ADGRB3: variants seen among roughly 807,000 people sequenced by gnomAD.
ADGRB3 encodes adhesion G protein-coupled receptor B3.
In ADGRB3, 37 loss-of-function variants were observed where a neutral mutation model predicts 193.4. The ratio of observed to expected loss-of-function variants is 0.19; its 90% CI spans 0.15 to 0.25. ADGRB3 has a LOEUF of 0.25. Ranked by LOEUF, ADGRB3 falls within the 10% of genes least tolerant of loss-of-function variation. ADGRB3 has a pLI of 1.00. For missense variants in ADGRB3, 1,637 were observed against 1,852.9 expected (o/e 0.88, Z 2.14); for synonymous variants, 690 against 644.2 (o/e 1.07, Z -1.08).
intron 17 of ADGRB3, among the ~76,000 whole-genome samples, chr6:69,096,758 A>T (rs542112487): frequency 3.3e-5 from 5 of 152,146 alleles, no homozygotes; most frequent in African/African-American, 1.2e-4. Context: ...TCTCAGCTTC[A>T]CTGTAGAAGA....
At chr6:68,681,350 C>T (rs1287591742) in intron 3 of ADGRB3, among the ~76,000 whole-genome samples, 1 of 152,130 alleles carries the variant, frequency 6.6e-6, no homozygotes, top group Non-Finnish European at 1.5e-5. Flanking sequence ...GTAGAGACAG[C>T]ATCTCCCTTT....
intron 20 of ADGRB3, among the ~76,000 whole-genome samples, chr6:69,303,856 T>C (rs985416944): frequency 4.6e-5 from 7 of 151,982 alleles, no homozygotes; most frequent in African/African-American, 1.4e-4. Context: ...TAGGATTTCA[T>C]GTGTAGCATA....
chr6:68,712,106 C>A (rs572898619), intron 3 of ADGRB3, among the ~76,000 whole-genome samples: 4 of 151,884 alleles, frequency 2.6e-5, no homozygotes, highest in African/African-American at 9.7e-5. Flanking sequence ...TGACTGAGGG[C>A]AAAATATTAT....
At chr6:69,207,006 A>G (rs935469658) in intron 17 of ADGRB3, among the ~76,000 whole-genome samples, 9 of 152,086 alleles carry the variant, frequency 5.9e-5, no homozygotes, top group Non-Finnish European at 1.3e-4. Flanking sequence ...TTCCATGCAT[A>G]CTCTTCCTGA....
chr6:69,272,984 T>G (rs1480477579), intron 20 of ADGRB3, among the ~76,000 whole-genome samples: 1 of 152,170 alleles, frequency 6.6e-6, no homozygotes, highest in Admixed American at 6.5e-5. Context: ...CACTGCAACC[T>G]CCATTTCCCA....
At chr6:68,857,880 G>T (rs186922701) in intron 3 of ADGRB3, among the ~76,000 whole-genome samples, 1 of 152,168 alleles carries the variant, frequency 6.6e-6, no homozygotes, top group Non-Finnish European at 1.5e-5. Flanking sequence ...AGTGGGAGAT[G>T]ATTGAATTAT....
At chr6:69,259,494 G>C (rs1037903431) in intron 20 of ADGRB3, among the ~76,000 whole-genome samples, 1 of 151,986 alleles carries the variant, frequency 6.6e-6, no homozygotes, top group Non-Finnish European at 1.5e-5. Context: ...AGGAGATCGA[G>C]ACCATCCTGG....
At chr6:68,779,965 A>C (rs138273332) in intron 3 of ADGRB3, among the ~76,000 whole-genome samples, 3 of 152,242 alleles carry the variant, frequency 2.0e-5, no homozygotes, top group Admixed American at 1.3e-4. Context: ...TTTCTTTGAA[A>C]ATAATGACTT....
intron 3 of ADGRB3, among the ~76,000 whole-genome samples, chr6:68,818,946 T>TGA (rs1562043003): frequency 6.6e-6 from 1 of 151,768 alleles, no homozygotes; most frequent in Non-Finnish European, 1.5e-5. Flanking sequence ...TTTCACTGTG[T>TGA]AACATTTGAA....
intron 17 of ADGRB3, among the ~76,000 whole-genome samples, chr6:69,100,856 A>AGGAAGGAAGGAAGGAAGAAGGAAGGGAG (rs1773017921): frequency 3.5e-3 from 84 of 24,196 alleles, no homozygotes; most frequent in Non-Finnish European, 7.6e-3. Flanking sequence ...GAGGGAGGGA[A>AGGAAGGAAGGAAGGAAGAAGGAAGGGAG]GGAAGGAAGG....
intron 10 of ADGRB3, among the ~76,000 whole-genome samples, chr6:68,985,474 G>A (rs1320055156): frequency 6.6e-6 from 1 of 152,134 alleles, no homozygotes; most frequent in Non-Finnish European, 1.5e-5. Context: ...GGTGATATCT[G>A]ATTTTCCTCT....
intron 26 of ADGRB3, among the ~76,000 whole-genome samples, chr6:69,351,065 A>G (rs934076875): frequency 6.6e-6 from 1 of 151,410 alleles, no homozygotes; most frequent in East Asian, 1.9e-4. Flanking sequence ...TAAGACTAAT[A>G]TAGACTAATT....
At chr6:69,169,497 A>G (rs6915681) in intron 17 of ADGRB3, among the ~76,000 whole-genome samples, 1 of 149,810 alleles carries the variant, frequency 6.7e-6, no homozygotes, top group East Asian at 1.9e-4. Flanking sequence ...AAAAGTAATT[A>G]CAAATTATAA....
chr6:68,694,517 T>A (rs538215110), intron 3 of ADGRB3, among the ~76,000 whole-genome samples: 2 of 152,046 alleles, frequency 1.3e-5, no homozygotes, highest in East Asian at 3.9e-4. Flanking sequence ...TAATTCACCT[T>A]GTTTTTTTAG....
intron 17 of ADGRB3, among the ~76,000 whole-genome samples, chr6:69,206,045 G>GTGTGTATATATATA (rs1327162820): frequency 1.0e-5 from 1 of 99,952 alleles, no homozygotes; most frequent in African/African-American, 3.8e-5. Flanking sequence ...TATAATAATG[G>GTGTGTATATATATA]TATATATATA....
intron 3 of ADGRB3, among the ~76,000 whole-genome samples, chr6:68,878,895 G>A (rs2150223398): frequency 6.6e-6 from 1 of 152,272 alleles, no homozygotes; most frequent in East Asian, 1.9e-4. Flanking sequence ...GAGAGCTTGT[G>A]CAAGGAAACT....
At chr6:69,339,953 A>T (rs1334685986) in intron 26 of ADGRB3, among the ~76,000 whole-genome samples, 2 of 152,196 alleles carry the variant, frequency 1.3e-5, no homozygotes, top group Non-Finnish European at 2.9e-5. Context: ...AACTAATACT[A>T]TTTTAAGCAG....
chr6:69,362,020 AATT>A (rs1362168137), intron 29 of ADGRB3, among the ~76,000 whole-genome samples: 1 of 151,934 alleles, frequency 6.6e-6, no homozygotes, highest in Non-Finnish European at 1.5e-5. Flanking sequence ...ATGAAAAACT[AATT>A]ATTATTACAG....
At chr6:68,703,373 A>G (rs1168223349) in intron 3 of ADGRB3, among the ~76,000 whole-genome samples, 1 of 152,160 alleles carries the variant, frequency 6.6e-6, no homozygotes, top group African/African-American at 2.4e-5. Flanking sequence ...GGGTCAAAGA[A>G]GTATAATTTT....
Sources: allele counts gnomAD v4.1 joint callset (sites outside exome capture counted in the v4.1 genomes callset), GRCh38; gene constraint gnomAD v4.1.1; transcripts MANE v1.5; gene names NCBI Gene and HGNC (gene_info 2026-07-23, HGNC 2026-07-21).